Variants in CNOT6L observed in about 807,000 individuals in gnomAD.
CNOT6L encodes the protein CCR4-NOT transcription complex subunit 6 like.
CNOT6L carries 7 observed loss-of-function variants against 64.0 expected under a neutral mutation model. The ratio of observed to expected loss-of-function variants is 0.11; its 90% CI spans 0.06 to 0.21. The LOEUF is 0.21. CNOT6L is among the 10% of genes least tolerant of loss of function. CNOT6L has a pLI of 1.00. For missense variants in CNOT6L, 245 were observed against 669.0 expected (o/e 0.37, Z 6.99); for synonymous variants, 193 against 243.4 (o/e 0.79, Z 1.93).
chr4:77,733,350 AAAG>A (rs1391469116), intron 8 of CNOT6L, among the ~76,000 whole-genome samples: 10 of 152,112 alleles, frequency 6.6e-5, no homozygotes, highest in Admixed American at 2.0e-4. Flanking sequence ...TACTCAGAAA[AAAG>A]AAGCAGACAT....
chr4:77,790,815 ATT>A (rs35909833), intron 1 of CNOT6L, among the ~76,000 whole-genome samples: 88 of 128,668 alleles, frequency 6.8e-4, no homozygotes, highest in East Asian at 8.9e-4. Flanking sequence ...CGCCTGGCTG[ATT>A]TTTTTTTTTT....
At chr4:77,751,990 A>G (rs1724914480) in intron 5 of CNOT6L, among the ~76,000 whole-genome samples, 1 of 152,106 alleles carries the variant, frequency 6.6e-6, no homozygotes, top group Non-Finnish European at 1.5e-5. Context: ...TGGCCAACAT[A>G]GTGAGATCCC....
At position 77,726,540 on chromosome 4, in the gene CNOT6L, C is replaced by A. The variant is rs530775879; in HGVS notation, c.1253-171G>T. Among the ~76,000 whole-genome samples the A allele has an allele frequency of 7.2e-5, 11 of 152,332 alleles. No individual in the cohort carries two copies. In the South Asian group the frequency reaches 2.3e-3, roughly 32 times the overall value. On this transcript the variant is annotated intron_variant, in intron 10 of 11. Coordinates refer to ENST00000504123, the MANE Select transcript of CNOT6L (RefSeq NM_144571.3). ...TAAAAATAAAAAATCAAATACCAGCCATTTCATATGAGTCAAGCAAATGAA... is the reference window on the plus strand; with the variant it reads ...TAAAAATAAAAAATCAAATACCAGCAATTTCATATGAGTCAAGCAAATGAA...
intron 4 of CNOT6L, among the ~76,000 whole-genome samples, chr4:77,770,657 A>G (rs1231116337): frequency 1.3e-5 from 2 of 152,212 alleles, no homozygotes; most frequent in Non-Finnish European, 2.9e-5. Flanking sequence ...AACCACAGGC[A>G]TAAACAAAGC....
intron 8 of CNOT6L, 159 bp from the exon 9 acceptor site, chr4:77,731,697 T>C (rs1577924889): frequency 3.9e-6 from 2 of 517,442 alleles, no homozygotes; most frequent in East Asian, 3.4e-5. Flanking sequence ...GTCTGATTAT[T>C]GTAAAAAGTT....
intron 4 of CNOT6L, among the ~76,000 whole-genome samples, chr4:77,772,668 A>C (rs1727697219): frequency 6.6e-6 from 1 of 152,194 alleles, no homozygotes; most frequent in African/African-American, 2.4e-5. Context: ...CACATCTGTA[A>C]TACCAGCACT....
At chr4:77,762,207 T>C (rs150854078) in intron 4 of CNOT6L, among the ~76,000 whole-genome samples, 406 of 152,274 alleles carry the variant, frequency 2.7e-3, no homozygotes, top group Non-Finnish European at 4.2e-3. Context: ...CAGCAGGATA[T>C]TTTGCATAAA....
intron 10 of CNOT6L, 129 bp from the exon 11 acceptor site, chr4:77,726,498 T>G: frequency 1.7e-6 from 1 of 595,052 alleles, no homozygotes; most frequent in Non-Finnish European, 2.8e-6. Flanking sequence ...CATATAAAAC[T>G]GCCTTTTGTT....
chr4:77,819,418 C>T (rs1578021350), upstream of CNOT6L: 10 of 1,599,080 alleles, frequency 6.3e-6, no homozygotes, highest in East Asian at 9.0e-5. Flanking sequence ...GCTTCCCCTC[C>T]AGAGCCGCGG....
At chr4:77,764,321 T>C in intron 4 of CNOT6L, among the ~76,000 whole-genome samples, 1 of 152,194 alleles carries the variant, frequency 6.6e-6, no homozygotes, top group Non-Finnish European at 1.5e-5. Flanking sequence ...TTGGATGTCA[T>C]ATTCCAGAAA....
Position 77,716,189 on chromosome 4 carries a change from G to A in CNOT6L, c.*4242C>T, listed in dbSNP as rs866322238. ...TGAGAATTCACATTTCTGTCAAAAT[G>A]TAAGTATGTATGAGTGCTATTTTGA... On this transcript the variant is annotated 3_prime_UTR_variant, in exon 12 of 12. Transcript: ENST00000504123. 2.0e-5 allele frequency: 3 copies of A among 152,082 alleles called. No individual in the cohort carries two copies. The highest frequency in any genetic ancestry group is 7.2e-5 in the African/African-American group (3 of 41,444). 9.4% of individuals were successfully genotyped at this position (152,082 alleles called of 1,614,324 possible).
At chr4:77,756,159 T>C (rs1725559650) in intron 5 of CNOT6L, among the ~76,000 whole-genome samples, 2 of 152,108 alleles carry the variant, frequency 1.3e-5, no homozygotes, top group African/African-American at 4.8e-5. Flanking sequence ...AATTTTTGTA[T>C]GTTTAGTAGA....
intron 1 of CNOT6L, 101 bp downstream of exon 1, chr4:77,819,203 C>G: frequency 1.9e-6 from 3 of 1,609,242 alleles, no homozygotes; most frequent in Non-Finnish European, 2.5e-6. Context: ...CCAACTCGCA[C>G]ACCCACACGC....
At chr4:77,744,964 ACACACACATACGC>A in intron 6 of CNOT6L, 89 bp from the exon 7 acceptor site, 1 of 960,990 alleles carries the variant, frequency 1.0e-6, no homozygotes, top group Non-Finnish European at 1.5e-6. Context: ...CTGCACAAGC[ACACACACATACGC>A]CACATATCAT....
chr4:77,718,638 C>G lies in CNOT6L; in HGVS notation c.*1793G>C, dbSNP rs1453411068. On this transcript the variant is annotated 3_prime_UTR_variant, in exon 12 of 12. Transcript: ENST00000504123. ...AAGGGAGTTCAGGCTTTACAGAACCCTTCTGATGCAATCCCATGTATGATA... is the reference window on the plus strand; with the variant it reads ...AAGGGAGTTCAGGCTTTACAGAACCGTTCTGATGCAATCCCATGTATGATA... The G allele has an allele frequency of 6.6e-6, 1 of 152,538 alleles. No homozygotes were observed. The highest frequency in any genetic ancestry group is 1.5e-5 in the Non-Finnish European group (1 of 68,010). The allele number at this position is 152,538 out of a possible 1,614,324, so 9.4% of individuals were successfully genotyped here. A position where few individuals can be genotyped will look rare whatever the true frequency, so the allele number is the denominator to read the frequency against.
rs1720905265 is a variant in CNOT6L at position 77,717,802 on chromosome 4, G to A, written c.*2629C>T. 1 of 152,494 alleles carries A rather than the reference G, an allele frequency of 6.6e-6. No individual in the cohort carries two copies. The highest frequency in any genetic ancestry group is 6.6e-5 in the Admixed American group (1 of 15,248). 9.4% of individuals were successfully genotyped at this position (152,494 alleles called of 1,614,324 possible). Reference sequence around the variant, plus strand: ...GGGCAGTGGGCTAAAGGGAAACCGTGCACATGAAATTTGGGTTACCATGCC... The same window carrying A: ...GGGCAGTGGGCTAAAGGGAAACCGTACACATGAAATTTGGGTTACCATGCC... On this transcript the variant is annotated 3_prime_UTR_variant, in exon 12 of 12. Coordinates refer to ENST00000504123, the MANE Select transcript of CNOT6L (RefSeq NM_144571.3).
At chr4:77,758,134 C>T (rs1216983470) in intron 4 of CNOT6L, among the ~76,000 whole-genome samples, 1 of 152,098 alleles carries the variant, frequency 6.6e-6, no homozygotes, top group Non-Finnish European at 1.5e-5. Flanking sequence ...AATTGACTTG[C>T]AAGTGAGAAG....
At chr4:77,752,324 A>G (rs1577948231) in intron 5 of CNOT6L, among the ~76,000 whole-genome samples, 1 of 152,224 alleles carries the variant, frequency 6.6e-6, no homozygotes, top group East Asian at 1.9e-4. Flanking sequence ...ATTTTGACAT[A>G]GCTTTATTGG....
chr4:77,784,547 G>T (rs892206540), intron 1 of CNOT6L, among the ~76,000 whole-genome samples: 1 of 150,566 alleles, frequency 6.6e-6, no homozygotes, highest in East Asian at 1.9e-4. Context: ...ACCCAGGCTG[G>T]AGTGCAGTGT....
Sources: gnomAD v4.1 joint callset for allele counts (sites outside exome capture counted in the v4.1 genomes callset) on GRCh38, gnomAD v4.1.1 for gene constraint, MANE v1.5 for transcripts, NCBI Gene and HGNC (gene_info 2026-07-23, HGNC 2026-07-21) for gene names.